The following CMIP variants were observed in gnomAD, a reference collection of about 807,000 sequenced individuals.
CMIP encodes the protein c-Maf inducing protein, also known as C-Maf-inducing protein.
A neutral mutation model predicts 97.3 loss-of-function variants in CMIP; 13 were observed. The observed-to-expected ratio is 0.13, with a 90% confidence interval of 0.09 to 0.21. The LOEUF is 0.21. Among genes scored for constraint, CMIP ranks in the 10% least tolerant of loss-of-function variants. The pLI, the probability that CMIP is intolerant of heterozygous loss-of-function variation, is 1.00. For synonymous variants in CMIP, 538 were observed against 436.3 expected, an observed-to-expected ratio of 1.23 and a Z score of -2.91; for missense variants, 847 against 1,024.9, an observed-to-expected ratio of 0.83 and a Z score of 2.37.
At chr16:81,704,223 C>T (rs1907775375) in intron 18 of CMIP, 138 bp downstream of exon 18, 2 of 565,622 alleles carry the variant, frequency 3.5e-6, no homozygotes, top group Non-Finnish European at 6.2e-6. Context: ...CCCCCTCCCC[C>T]TCCTCCCTGC....
At chr16:81,528,341 C>T (rs1344458790) in intron 1 of CMIP, among the ~76,000 whole-genome samples, 3 of 152,122 alleles carry the variant, frequency 2.0e-5, no homozygotes, top group Non-Finnish European at 4.4e-5. Context: ...TGTGGCTCCC[C>T]AGTCCACCAT....
chr16:81,706,124 G>A (rs1260354683), intron 19 of CMIP, among the ~76,000 whole-genome samples: 2 of 152,270 alleles, frequency 1.3e-5, no homozygotes, highest in Non-Finnish European at 2.9e-5. Flanking sequence ...AGAAAGGCCA[G>A]TTCCTGTGTG....
chr16:81,693,816 A>G (rs1906391131), intron 13 of CMIP, among the ~76,000 whole-genome samples: 1 of 152,138 alleles, frequency 6.6e-6, no homozygotes, highest in Admixed American at 6.5e-5. Flanking sequence ...TTCTGCTATT[A>G]TGTGAATCAC....
chr16:81,583,297 T>C (rs762317092), intron 1 of CMIP, among the ~76,000 whole-genome samples: 15 of 152,108 alleles, frequency 9.9e-5, no homozygotes, highest in Non-Finnish European at 1.6e-4. Context: ...CACCGGCACT[T>C]CCCCCCGGGG....
At chr16:81,489,007 T>C (rs1473283460) in intron 1 of CMIP, among the ~76,000 whole-genome samples, 1 of 152,188 alleles carries the variant, frequency 6.6e-6, no homozygotes, top group African/African-American at 2.4e-5. Flanking sequence ...TTCCCATTCT[T>C]TCTGCTTTCA....
intron 1 of CMIP, among the ~76,000 whole-genome samples, chr16:81,598,307 G>A (rs2091598302): frequency 1.3e-5 from 2 of 152,164 alleles, no homozygotes; most frequent in Admixed American, 6.5e-5. Context: ...CCAACAGGGC[G>A]GCGCCTGGCC....
intron 5 of CMIP, among the ~76,000 whole-genome samples, chr16:81,660,358 C>T (rs8058160): frequency 0.59 from 89,963 of 151,580 alleles, 26,942 homozygotes; most frequent in East Asian, 0.7. Context: ...ACTGCAACTC[C>T]GCCTCCTAAG....
At chr16:81,672,095 C>T in intron 9 of CMIP, 25 bp downstream of exon 9, 1 of 1,437,432 alleles carries the variant, frequency 7.0e-7, no homozygotes, top group Non-Finnish European at 9.6e-7. Context: ...CACCGCCACC[C>T]AGAGGGCTTG....
chr16:81,525,455 T>A (rs2090112969), intron 1 of CMIP, among the ~76,000 whole-genome samples: 1 of 152,184 alleles, frequency 6.6e-6, no homozygotes, highest in African/African-American at 2.4e-5. Context: ...TATTTTTATT[T>A]CCTTAATTTT....
At chr16:81,629,357 T>G (rs921156817) in intron 3 of CMIP, among the ~76,000 whole-genome samples, 1 of 151,996 alleles carries the variant, frequency 6.6e-6, no homozygotes, top group African/African-American at 2.4e-5. Flanking sequence ...CCCCTGACTT[T>G]AAACTTGAGG....
intron 10 of CMIP, among the ~76,000 whole-genome samples, chr16:81,684,647 C>T (rs1308584737): frequency 6.6e-6 from 1 of 152,226 alleles, no homozygotes; most frequent in Non-Finnish European, 1.5e-5. Context: ...GTGTCTGAAC[C>T]TCTCTGGACC....
chr16:81,593,857 G>T (rs757788091), intron 1 of CMIP, among the ~76,000 whole-genome samples: 2 of 152,116 alleles, frequency 1.3e-5, no homozygotes, highest in African/African-American at 2.4e-5. Flanking sequence ...TGCTGAGCAC[G>T]CCACATGCCC....
chr16:81,448,419 G>A lies in CMIP; in HGVS notation c.300+2878G>A, dbSNP rs1351394700. 2.6e-5 allele frequency among the ~76,000 whole-genome samples: 4 copies of A among 152,254 alleles called. No homozygotes were observed. In the East Asian group the frequency reaches 7.7e-4, roughly 29 times the overall value. On this transcript the variant is annotated intron_variant, in intron 1 of 20. Coordinates refer to ENST00000537098, the MANE Select transcript of CMIP (RefSeq NM_198390.3). ...CCAGGAGCACATCTGCATCAGGCTG[G>A]GATGCAGGCAGACTCGGGCTCCCAG... is the stretch of plus-strand genomic sequence containing the variant.
chr16:81,629,829 G>A (rs2092129765), intron 3 of CMIP, among the ~76,000 whole-genome samples: 1 of 152,258 alleles, frequency 6.6e-6, no homozygotes, highest in African/African-American at 2.4e-5. Flanking sequence ...GGCCTCTGCT[G>A]TGGTTGCCCT....
intron 2 of CMIP, 189 bp from the exon 3 acceptor site, chr16:81,620,687 G>A (rs1040559406): frequency 1.3e-5 from 8 of 600,086 alleles, no homozygotes; most frequent in African/African-American, 9.3e-5. Flanking sequence ...AATCCTCCCT[G>A]ACCAGCCCTT....
At chr16:81,612,088 A>C (rs1228142902) in intron 2 of CMIP, among the ~76,000 whole-genome samples, 5 of 152,180 alleles carry the variant, frequency 3.3e-5, no homozygotes, top group African/African-American at 1.2e-4. Context: ...CATTGTGGGG[A>C]GGCCAAGCAT....
intron 1 of CMIP, among the ~76,000 whole-genome samples, chr16:81,581,271 G>A (rs1210361892): frequency 6.6e-6 from 1 of 152,136 alleles, no homozygotes; most frequent in African/African-American, 2.4e-5. Flanking sequence ...ATTGTTTCAC[G>A]ATGGGGATAC....
chr16:81,480,110 A>T (rs1026521894), intron 1 of CMIP, among the ~76,000 whole-genome samples: 19 of 152,208 alleles, frequency 1.2e-4, no homozygotes, highest in African/African-American at 4.6e-4. Context: ...GAGCGATTCT[A>T]ACATGAGAGT....
chr16:81,500,145 A>G (rs1477324086), intron 1 of CMIP, among the ~76,000 whole-genome samples: 3 of 151,264 alleles, frequency 2.0e-5, no homozygotes, highest in Admixed American at 6.6e-5. Context: ...CGACTTTTAG[A>G]GCTGGTGCGC....
Sources: allele counts gnomAD v4.1 joint callset (sites outside exome capture counted in the v4.1 genomes callset), GRCh38; gene constraint gnomAD v4.1.1; transcripts MANE v1.5; gene names NCBI Gene and HGNC (gene_info 2026-07-23, HGNC 2026-07-21).